SEMA6D: variants seen among roughly 807,000 people sequenced by gnomAD.
SEMA6D encodes the protein semaphorin-6D.
A neutral mutation model predicts 106.6 loss-of-function variants in SEMA6D; 35 were observed. The observed-to-expected ratio is 0.33, with a 90% CI of 0.25 to 0.44. The LOEUF (loss-of-function observed/expected upper bound fraction) is 0.44. Among genes scored for constraint, SEMA6D ranks in the 20% least tolerant of loss-of-function variants. The pLI, the probability that SEMA6D is intolerant of heterozygous loss-of-function variation, is 1.00. For synonymous variants in SEMA6D, 499 were observed against 487.7 expected, an observed-to-expected ratio of 1.02 and a Z score of -0.31; for missense variants, 1,185 against 1,345.9, an observed-to-expected ratio of 0.88 and a Z score of 1.87.
chr15:47,614,930 T>A (rs2076978996), intron 4 of SEMA6D, among the ~76,000 whole-genome samples: 1 of 152,194 alleles, frequency 6.6e-6, no homozygotes, highest in Admixed American at 6.5e-5. Flanking sequence ...TCTCTTAATG[T>A]CTGGCCAATT....
intron 1 of SEMA6D, among the ~76,000 whole-genome samples, chr15:47,363,371 G>T (rs1001286304): frequency 2.6e-5 from 4 of 152,270 alleles, no homozygotes; most frequent in African/African-American, 4.8e-5. Flanking sequence ...GTGTGGCGGG[G>T]TCTATGAATT....
At chr15:47,608,611 C>T (rs999289036) in intron 4 of SEMA6D, among the ~76,000 whole-genome samples, 1 of 152,082 alleles carries the variant, frequency 6.6e-6, no homozygotes, top group African/African-American at 2.4e-5. Context: ...AAATCACCTC[C>T]TATATTTGGG....
At chr15:47,185,719 A>G (rs1767608273) in intron 1 of SEMA6D, 1 of 152,160 alleles carries the variant, frequency 6.6e-6, no homozygotes, top group South Asian at 2.1e-4. Context: ...GGAGCCGGTT[A>G]TCCTCAGTTG....
chr15:47,184,170 G>A (rs1893376233), exon 1 of SEMA6D: 1 of 152,800 alleles, frequency 6.5e-6, no homozygotes, highest in African/African-American at 2.4e-5. Flanking sequence ...GTCTGTGAGG[G>A]AGCGGACGAA....
intron 4 of SEMA6D, among the ~76,000 whole-genome samples, chr15:47,667,612 G>A (rs1175220207): frequency 6.6e-6 from 1 of 152,200 alleles, no homozygotes; most frequent in Non-Finnish European, 1.5e-5. Context: ...AGGCTGGGAA[G>A]TCCAGGACCA....
At chr15:47,592,579 A>G (rs2076459400) in intron 3 of SEMA6D, among the ~76,000 whole-genome samples, 1 of 152,180 alleles carries the variant, frequency 6.6e-6, no homozygotes, top group African/African-American at 2.4e-5. Flanking sequence ...ATTTAACTGT[A>G]TGGTAATTGC....
At chr15:47,282,669 G>A (rs1223720081) in intron 1 of SEMA6D, among the ~76,000 whole-genome samples, 1 of 152,070 alleles carries the variant, frequency 6.6e-6, no homozygotes, top group Non-Finnish European at 1.5e-5. Context: ...CAAGGAAATT[G>A]TACAGAACAG....
chr15:47,653,900 A>G (rs2077741448), intron 4 of SEMA6D, among the ~76,000 whole-genome samples: 2 of 152,222 alleles, frequency 1.3e-5, no homozygotes, highest in South Asian at 4.1e-4. Context: ...GCAATGCCTC[A>G]TTAGTATATT....
chr15:47,560,621 A>G (rs912036850), intron 3 of SEMA6D, among the ~76,000 whole-genome samples: 3 of 152,064 alleles, frequency 2.0e-5, no homozygotes, highest in African/African-American at 7.2e-5. Context: ...TTAGAGGGGA[A>G]AAAAAAGTAA....
At chr15:47,647,428 G>A (rs1448415342) in intron 4 of SEMA6D, among the ~76,000 whole-genome samples, 2 of 152,184 alleles carry the variant, frequency 1.3e-5, no homozygotes, top group African/African-American at 4.8e-5. Flanking sequence ...GCTGACAGAT[G>A]AAACGCATGA....
At chr15:47,555,773 T>C (rs1327240582) in intron 3 of SEMA6D, among the ~76,000 whole-genome samples, 1 of 152,186 alleles carries the variant, frequency 6.6e-6, no homozygotes, top group Non-Finnish European at 1.5e-5. Context: ...ACTAATGGCT[T>C]TCAAGTGGCA....
At chr15:47,342,888 T>A (rs1319597137) in intron 1 of SEMA6D, among the ~76,000 whole-genome samples, 2 of 152,122 alleles carry the variant, frequency 1.3e-5, no homozygotes, top group Non-Finnish European at 2.9e-5. Context: ...TTTTTTTGTA[T>A]TTTTAGTAAA....
intron 3 of SEMA6D, among the ~76,000 whole-genome samples, chr15:47,474,132 G>A (rs1364565427): frequency 1.3e-5 from 2 of 152,124 alleles, no homozygotes; most frequent in South Asian, 2.1e-4. Context: ...TGAATAGAAG[G>A]CCAAGAATTC....
At chr15:47,528,512 G>A (rs569949580) in intron 3 of SEMA6D, among the ~76,000 whole-genome samples, 1 of 152,224 alleles carries the variant, frequency 6.6e-6, no homozygotes, top group South Asian at 2.1e-4. Flanking sequence ...TTCTCAGTTG[G>A]CCAACATTTA....
chr15:47,504,948 G>A (rs1333050154), intron 3 of SEMA6D, among the ~76,000 whole-genome samples: 1 of 152,132 alleles, frequency 6.6e-6, no homozygotes, highest in Non-Finnish European at 1.5e-5. Context: ...GAGAGTAAAG[G>A]CTTGTCCCTA....
intron 1 of SEMA6D, among the ~76,000 whole-genome samples, chr15:47,319,226 AT>A (rs1416202719): frequency 1.3e-5 from 2 of 152,150 alleles, no homozygotes; most frequent in Non-Finnish European, 1.5e-5. Context: ...TACTTTATTC[AT>A]TGAAGCCCTT....
rs537801158 is a variant in SEMA6D at position 47,597,848 on chromosome 15, C to CAT, written c.-86-3006_-86-3005dup. Among the ~76,000 whole-genome samples, 1,019 of 148,742 alleles carry CAT rather than the reference C, an allele frequency of 6.9e-3. 9 individuals carry two copies. The highest frequency in any genetic ancestry group is 0.02 in the African/African-American group (800 of 40,722). On this transcript the variant is annotated intron_variant, in intron 3 of 19. Transcript: ENST00000558014. Reference sequence around the variant, plus strand: ...TTTCAGTCATTCCACATCATTCATACATATATATATATTATATATATATAA... The same window carrying CAT: ...TTTCAGTCATTCCACATCATTCATACATATATATATATATTATATATATATAA...
intron 4 of SEMA6D, among the ~76,000 whole-genome samples, chr15:47,638,446 C>A (rs953490400): frequency 6.6e-6 from 1 of 152,126 alleles, no homozygotes; most frequent in Non-Finnish European, 1.5e-5. Flanking sequence ...ACTGAAGTCA[C>A]TGCATTAATA....
chr15:47,364,849 C>G (rs2038954579), intron 1 of SEMA6D, among the ~76,000 whole-genome samples: 1 of 151,986 alleles, frequency 6.6e-6, no homozygotes, highest in Non-Finnish European at 1.5e-5. Context: ...GTGCTCTGAG[C>G]TGTATCTCAA....
Sources: gnomAD v4.1 joint callset for allele counts (sites outside exome capture counted in the v4.1 genomes callset) on GRCh38, gnomAD v4.1.1 for gene constraint, MANE v1.5 for transcripts, NCBI Gene and HGNC (gene_info 2026-07-23, HGNC 2026-07-21) for gene names.